Variants in KLF12 observed in about 807,000 individuals in gnomAD.
KLF12 encodes Krueppel-like factor 12.
In KLF12, 9 loss-of-function variants were observed where a neutral mutation model predicts 37.8. The ratio of observed to expected loss-of-function variants is 0.24; its 90% CI spans 0.14 to 0.42. The LOEUF (loss-of-function observed/expected upper bound fraction) is 0.42, where lower values mean the gene tolerates loss of function less well. Ranked by LOEUF, KLF12 falls within the 10% of genes least tolerant of loss-of-function variation. KLF12 has a pLI of 1.00. For missense variants in KLF12, 411 were observed against 516.0 expected, an observed-to-expected ratio of 0.80 and a Z score of 1.97; for synonymous variants, 208 against 202.1, an observed-to-expected ratio of 1.03 and a Z score of -0.25.
chr13:73,827,601 C>G (rs1017904160), intron 4 of KLF12, among the ~76,000 whole-genome samples: 3 of 152,112 alleles, frequency 2.0e-5, no homozygotes, highest in Non-Finnish European at 2.9e-5. Flanking sequence ...CTCTGTCACC[C>G]AGGCTGTATG....
At chr13:73,907,839 T>C (rs73523244) in intron 3 of KLF12, among the ~76,000 whole-genome samples, 7,508 of 152,186 alleles carry the variant, frequency 0.049, 435 homozygotes, top group African/African-American at 0.14. Flanking sequence ...CCCACATGAT[T>C]GACCCTCTCC....
chr13:73,700,355 T>C (rs1874461464), intron 7 of KLF12, among the ~76,000 whole-genome samples: 1 of 151,562 alleles, frequency 6.6e-6, no homozygotes, highest in Admixed American at 6.6e-5. Context: ...AAGTAACTAA[T>C]GAAGGCATGT....
At chr13:73,769,678 A>G (rs1219816623) in intron 5 of KLF12, among the ~76,000 whole-genome samples, 5 of 152,176 alleles carry the variant, frequency 3.3e-5, no homozygotes, top group Non-Finnish European at 7.3e-5. Flanking sequence ...GTTTCTTAAT[A>G]TCAACCTTTC....
intron 1 of KLF12, among the ~76,000 whole-genome samples, chr13:74,016,109 T>C (rs1163127905): frequency 3.3e-5 from 5 of 151,798 alleles, no homozygotes; most frequent in Non-Finnish European, 5.9e-5. Flanking sequence ...ATTTCTAAAA[T>C]GAACCAAAAG....
intron 7 of KLF12, among the ~76,000 whole-genome samples, chr13:73,710,689 C>T (rs377494243): frequency 1.3e-5 from 2 of 152,302 alleles, no homozygotes; most frequent in East Asian, 3.9e-4. Context: ...GCATCACTGA[C>T]CAGCTGCTAC....
chr13:73,834,803 T>C (rs1884343848), intron 4 of KLF12, among the ~76,000 whole-genome samples: 1 of 152,204 alleles, frequency 6.6e-6, no homozygotes, highest in Non-Finnish European at 1.5e-5. Flanking sequence ...TGAGCCACTG[T>C]GCCTGGTCCA....
intron 5 of KLF12, among the ~76,000 whole-genome samples, chr13:73,802,671 C>G (rs1255738502): frequency 6.6e-6 from 1 of 152,084 alleles, no homozygotes; most frequent in Non-Finnish European, 1.5e-5. Flanking sequence ...ATCTTTATGT[C>G]CATGAGTACC....
At position 73,694,878 on chromosome 13, in the gene KLF12, C is replaced by A. The variant is rs996384157; in HGVS notation, c.*612G>T. The A allele has an allele frequency of 3.9e-5, 6 of 152,550 alleles. No homozygotes were observed. The highest frequency in any genetic ancestry group is 1.4e-4 in the African/African-American group (6 of 41,412). 9.4% of individuals were successfully genotyped at this position (152,550 alleles called of 1,614,324 possible). A position where few individuals can be genotyped will look rare whatever the true frequency, so the allele number is the denominator to read the frequency against. The stretch of plus-strand genomic sequence containing the variant: ...GATTCAATGTTGGTTTTCTTCAGGG[C>A]ATGGCAGAATGACAAGTTGAGAGTG... On this transcript the variant is annotated 3_prime_UTR_variant, in exon 8 of 8. Coordinates refer to ENST00000377669, the MANE Select transcript of KLF12 (RefSeq NM_007249.5).
intron 1 of KLF12, among the ~76,000 whole-genome samples, chr13:74,025,661 T>G (rs1892958873): frequency 6.6e-6 from 1 of 152,128 alleles, no homozygotes; most frequent in East Asian, 1.9e-4. Flanking sequence ...TAACATATAC[T>G]GAGGTAAGAA....
chr13:74,029,377 T>TA (rs1893058308), intron 1 of KLF12, among the ~76,000 whole-genome samples: 1 of 152,118 alleles, frequency 6.6e-6, no homozygotes, highest in Admixed American at 6.6e-5. Flanking sequence ...GTCAACTACT[T>TA]AGTTTTCAAC....
At chr13:74,062,722 CTG>C (rs375975710) in intron 1 of KLF12, among the ~76,000 whole-genome samples, 6 of 152,294 alleles carry the variant, frequency 3.9e-5, no homozygotes, top group African/African-American at 1.4e-4. Context: ...TCTTACAGAG[CTG>C]TGTCAGCAAA....
Position 73,686,902 on chromosome 13 carries a change from G to C in KLF12, c.*8588C>G, listed in dbSNP as rs1873526112. Reference sequence around the variant, plus strand: ...AGGAAAAGAAAAAAGATGCCTGCTTGATTTGGCCAAAGATGATATTTTTCT... The same window carrying C: ...AGGAAAAGAAAAAAGATGCCTGCTTCATTTGGCCAAAGATGATATTTTTCT... On this transcript the variant is annotated 3_prime_UTR_variant, in exon 8 of 8. Transcript: ENST00000377669. 6.6e-6 allele frequency: 1 copy of C among 152,292 alleles called. No homozygotes were observed. The highest frequency in any genetic ancestry group is 1.5e-5 in the Non-Finnish European group (1 of 67,992). 9.4% of individuals were successfully genotyped at this position (152,292 alleles called of 1,614,324 possible).
chr13:73,695,993 C>G (rs1448331901), intron 7 of KLF12, among the ~76,000 whole-genome samples: 1 of 152,132 alleles, frequency 6.6e-6, no homozygotes, highest in African/African-American at 2.4e-5. Context: ...TAAAGCTTTA[C>G]CCAGTTTGAT....
chr13:74,064,700 A>C (rs1287148421), intron 1 of KLF12, among the ~76,000 whole-genome samples: 1 of 152,224 alleles, frequency 6.6e-6, no homozygotes, highest in Non-Finnish European at 1.5e-5. Flanking sequence ...AATAATTCAC[A>C]GAGGAATGAA....
In KLF12 at chr13:73,745,248, T is replaced by C. The variant is rs373788111; in HGVS notation, c.869+19690A>G. Among the ~76,000 whole-genome samples the C allele has an allele frequency of 2.8e-4, 42 of 152,222 alleles. 1 individual carries two copies. The South Asian group carries it at 3.5e-3, about 13-fold the overall frequency. On this transcript the variant is annotated intron_variant, in intron 6 of 7. Transcript: ENST00000377669. The stretch of plus-strand genomic sequence containing the variant: ...ACACATATTACAAATGCACATACAT[T>C]TAAAGCATATGTTTTAGGTAGGAAA...
At chr13:73,942,861 C>T (rs927820753) in intron 3 of KLF12, among the ~76,000 whole-genome samples, 6 of 152,150 alleles carry the variant, frequency 3.9e-5, no homozygotes, top group Admixed American at 2.0e-4. Flanking sequence ...CAGGCTTACA[C>T]TGAAAAACAG....
chr13:73,937,188 C>CAAA (rs35197874), intron 3 of KLF12, among the ~76,000 whole-genome samples: 1 of 146,692 alleles, frequency 6.8e-6, no homozygotes, highest in African/African-American at 2.5e-5. Context: ...GACTCCGTCT[C>CAAA]AAAAAAAAAT....
intron 6 of KLF12, among the ~76,000 whole-genome samples, chr13:73,762,659 C>T (rs188031600): frequency 6.6e-6 from 1 of 152,268 alleles, no homozygotes; most frequent in Admixed American, 6.5e-5. Flanking sequence ...TAGTGTTGAA[C>T]TTGACATGTA....
At chr13:73,714,859 A>T (rs1015239782) in intron 7 of KLF12, among the ~76,000 whole-genome samples, 4 of 151,986 alleles carry the variant, frequency 2.6e-5, no homozygotes, top group East Asian at 1.9e-4. Context: ...CTCCCTATAT[A>T]AAAAAAATAC....
Sources: allele counts gnomAD v4.1 joint callset (sites outside exome capture counted in the v4.1 genomes callset), GRCh38; gene constraint gnomAD v4.1.1; transcripts MANE v1.5; gene names NCBI Gene and HGNC (gene_info 2026-07-23, HGNC 2026-07-21).